The following IQSEC3 variants were observed in gnomAD, a reference collection of about 807,000 sequenced individuals.
IQSEC3 encodes the protein IQ motif and Sec7 domain ArfGEF 3.
A neutral mutation model predicts 105.4 loss-of-function variants in IQSEC3; 50 were observed. That is an observed-to-expected ratio of 0.47 (90% CI 0.38 to 0.60). The LOEUF is 0.60. Ranked by LOEUF, IQSEC3 falls within the 20% of genes least tolerant of loss-of-function variation. The pLI is 0.00. For missense variants in IQSEC3, 1,415 were observed against 1,630.0 expected (o/e 0.87, Z 2.27); for synonymous variants, 708 against 746.0 (o/e 0.95, Z 0.83).
At chr12:159,292 G>A (rs954268086) in intron 7 of IQSEC3, among the ~76,000 whole-genome samples, 1 of 152,160 alleles carries the variant, frequency 6.6e-6, no homozygotes, top group Non-Finnish European at 1.5e-5. Context: ...GTCATCTTCC[G>A]GGAGCCTCTG....
chr12:109,377 G>C (rs184665836), intron 2 of IQSEC3, among the ~76,000 whole-genome samples: 1 of 152,028 alleles, frequency 6.6e-6, no homozygotes, highest in African/African-American at 2.4e-5. Flanking sequence ...ACCCTAGTTC[G>C]GATCTTCCTT....
At chr12:78,708 G>A (rs1863644108) in intron 1 of IQSEC3, among the ~76,000 whole-genome samples, 1 of 152,148 alleles carries the variant, frequency 6.6e-6, no homozygotes, top group Admixed American at 6.5e-5. Flanking sequence ...AGCAATGAGA[G>A]CCTCGCGTTT....
In IQSEC3 at chr12:130,300, C is replaced by T. The variant is rs558482945; in HGVS notation, c.903+4388C>T. On this transcript the variant is annotated intron_variant, in intron 3 of 13. Transcript: ENST00000538872. ...GGCTAACGGTTGCCATGTGTTATCT[C>T]CCCGGGTCTGCACAACGTCCCCGTG... Among the ~76,000 whole-genome samples the T allele has an allele frequency of 7.2e-5, 11 of 152,348 alleles. No individual in the cohort carries two copies. The East Asian group carries it at 1.5e-3, about 21-fold the overall frequency.
At chr12:130,145 T>C (rs1490550213) in intron 3 of IQSEC3, among the ~76,000 whole-genome samples, 3 of 152,142 alleles carry the variant, frequency 2.0e-5, no homozygotes, top group Non-Finnish European at 4.4e-5. Flanking sequence ...GCAGGCCCTG[T>C]GCTAGGCCTG....
intron 13 of IQSEC3, chr12:171,489 C>T: frequency 1.6e-6 from 1 of 626,752 alleles, no homozygotes; most frequent in Non-Finnish European, 2.8e-6. Context: ...ACCTCCCCAG[C>T]AAATGCTCAC....
intron 5 of IQSEC3, among the ~76,000 whole-genome samples, chr12:146,630 G>A (rs1411545538): frequency 1.3e-5 from 2 of 148,886 alleles, no homozygotes; most frequent in African/African-American, 4.9e-5. Context: ...TGGAAGCCTG[G>A]ACAACAGAGT....
In IQSEC3 at chr12:151,458, C is replaced by G. The variant is rs534030931; in HGVS notation, c.2154-5567C>G. 5.9e-5 allele frequency among the ~76,000 whole-genome samples: 9 copies of G among 152,272 alleles called. No individual in the cohort carries two copies. The East Asian group carries it at 1.5e-3, about 26-fold the overall frequency. ...CTGGATCATTCATTCAGTTTGTTTC[C>G]ACTGCTCCTGCCTTAGCCCAAGCCC... On this transcript the variant is annotated intron_variant, in intron 5 of 13. Coordinates refer to ENST00000538872, the MANE Select transcript of IQSEC3 (RefSeq NM_001170738.2).
At chr12:118,159 T>G (rs543315278) in intron 2 of IQSEC3, among the ~76,000 whole-genome samples, 1 of 152,252 alleles carries the variant, frequency 6.6e-6, no homozygotes, top group Admixed American at 6.5e-5. Context: ...TGCGGTGGGA[T>G]TGCCTCCTGA....
At chr12:149,311 T>C (rs1250051051) in intron 5 of IQSEC3, 12 of 152,248 alleles carry the variant, frequency 7.9e-5, no homozygotes, top group Admixed American at 7.9e-4. Context: ...CTCACTTGCA[T>C]GTGCAGTGGG....
At chr12:128,524 G>A (rs1383545721) in intron 3 of IQSEC3, among the ~76,000 whole-genome samples, 1 of 148,362 alleles carries the variant, frequency 6.7e-6, no homozygotes, top group East Asian at 1.9e-4. Context: ...GAGGGGTGTT[G>A]GACAATCTTA....
chr12:110,745 G>A (rs782069901), intron 2 of IQSEC3, among the ~76,000 whole-genome samples: 5 of 152,058 alleles, frequency 3.3e-5, no homozygotes, highest in Non-Finnish European at 2.9e-5. Context: ...CTGCTAAACC[G>A]AGGGGGTCTT....
chr12:132,702 G>A (rs1233372786), intron 3 of IQSEC3, among the ~76,000 whole-genome samples: 3 of 152,122 alleles, frequency 2.0e-5, no homozygotes, highest in Non-Finnish European at 4.4e-5. Context: ...TGCTTGTCAG[G>A]CCAATAAGGA....
intron 1 of IQSEC3, among the ~76,000 whole-genome samples, chr12:79,220 G>A (rs989372929): frequency 1.9e-5 from 2 of 106,704 alleles, no homozygotes; most frequent in African/African-American, 7.7e-5. Context: ...GCACAGGGAG[G>A]CCCTCCCTCA....
In IQSEC3 at chr12:139,373, C is replaced by T. The variant is rs143980472; in HGVS notation, c.1991+19C>T. ...TCAACATGTAAGTCAGCCCCGGCCCCCAGCCCGGAGTCCTGGGCGTCCTGG... is the reference window on the plus strand; with the variant it reads ...TCAACATGTAAGTCAGCCCCGGCCCTCAGCCCGGAGTCCTGGGCGTCCTGG... On this transcript the variant is annotated intron_variant, in intron 4 of 13. Transcript: ENST00000538872. 1.4e-4 allele frequency: 211 copies of T among 1,519,344 alleles called. No homozygotes were observed. The African/African-American group carries it at 2.7e-3, about 19-fold the overall frequency. The allele number at this position is 1,519,344 out of a possible 1,614,324, so 94.1% of individuals were successfully genotyped here.
intron 1 of IQSEC3, among the ~76,000 whole-genome samples, chr12:74,444 A>G (rs1382116017): frequency 1.6e-4 from 24 of 152,280 alleles, no homozygotes; most frequent in Non-Finnish European, 8.8e-5. Flanking sequence ...CACCATAGGC[A>G]AAGACTGCTG....
chr12:120,705 G>A (rs748210716), intron 2 of IQSEC3, among the ~76,000 whole-genome samples: 5 of 152,204 alleles, frequency 3.3e-5, no homozygotes, highest in South Asian at 2.1e-4. Context: ...GAGAATGAGC[G>A]ATGGCCCTGT....
At chr12:139,405 G>GGGAA in intron 4 of IQSEC3, 51 bp downstream of exon 4, 7 of 1,440,894 alleles carry the variant, frequency 4.9e-6, no homozygotes, top group Non-Finnish European at 6.5e-6. Flanking sequence ...CTGGGAGGGA[G>GGGAA]GGAAGGAGGA....
At chr12:83,090 A>G (rs1051427309) in intron 1 of IQSEC3, among the ~76,000 whole-genome samples, 1 of 152,174 alleles carries the variant, frequency 6.6e-6, no homozygotes, top group African/African-American at 2.4e-5. Context: ...TGCTGTGGGT[A>G]ATTAGGCTGG....
intron 1 of IQSEC3, among the ~76,000 whole-genome samples, chr12:85,922 C>T (rs555397517): frequency 2.0e-5 from 3 of 152,290 alleles, no homozygotes; most frequent in Admixed American, 6.5e-5. Flanking sequence ...ACTTAATCCC[C>T]CATTTCTCTC....
Sources: allele counts gnomAD v4.1 joint callset (sites outside exome capture counted in the v4.1 genomes callset), GRCh38; gene constraint gnomAD v4.1.1; transcripts MANE v1.5; gene names NCBI Gene and HGNC (gene_info 2026-07-23, HGNC 2026-07-21).